SNAPC3: variants seen among roughly 807,000 people sequenced by gnomAD.
The protein encoded by SNAPC3 is small nuclear RNA activating complex polypeptide 3.
A neutral mutation model predicts 47.7 loss-of-function variants in SNAPC3; 56 were observed. The ratio of observed to expected loss-of-function variants is 1.18; its 90% CI spans 0.95 to 1.47. The LOEUF is 1.47. SNAPC3 is among the 40% of genes most tolerant of loss of function. The pLI, the probability that SNAPC3 is intolerant of heterozygous loss-of-function variation, is 0.00. For synonymous variants in SNAPC3, 235 were observed against 189.9 expected (o/e 1.24, Z -1.95); for missense variants, 665 against 511.3 (o/e 1.30, Z -2.90).
chr9:15,450,002 A>G (rs1411796348), intron 5 of SNAPC3, among the ~76,000 whole-genome samples: 1 of 152,132 alleles, frequency 6.6e-6, no homozygotes, highest in Non-Finnish European at 1.5e-5. Flanking sequence ...GTTTTGTAAA[A>G]CACATATATA....
intron 5 of SNAPC3, among the ~76,000 whole-genome samples, chr9:15,449,556 TA>T (rs1563851139): frequency 2.5e-3 from 96 of 37,726 alleles, no homozygotes; most frequent in East Asian, 5.2e-3. Flanking sequence ...TATATATATA[TA>T]TATATATTTT....
At chr9:15,458,233 A>G (rs543212592) in intron 8 of SNAPC3, among the ~76,000 whole-genome samples, 166 bp downstream of exon 8, 2 of 152,328 alleles carry the variant, frequency 1.3e-5, no homozygotes, top group East Asian at 1.9e-4. Context: ...TAAAACTAAC[A>G]TTCTTAAATA....
intron 1 of SNAPC3, 100 bp downstream of exon 1, chr9:15,423,293 T>C: frequency 8.2e-7 from 1 of 1,226,448 alleles, no homozygotes; most frequent in Non-Finnish European, 1.1e-6. Context: ...GGGCCTGTGG[T>C]TTAGACCTGG....
chr9:15,453,974 C>CA (rs1425246431), intron 7 of SNAPC3, among the ~76,000 whole-genome samples: 1 of 152,180 alleles, frequency 6.6e-6, no homozygotes, highest in Non-Finnish European at 1.5e-5. Flanking sequence ...TGCAGTGGCT[C>CA]ACGCCTATAA....
rs142563129 is a variant in SNAPC3, at chr9:15,455,845, C to T, written c.981-2115C>T. Among the ~76,000 whole-genome samples, 21 of 149,472 alleles carry T rather than the reference C, an allele frequency of 1.4e-4. No homozygotes were observed. The East Asian group carries it at 2.2e-3, about 16-fold the overall frequency. ...TCCCAAGTAGCTGGGATTACAGGCA[C>T]GTGCCACCTTGTCCGGCTAATTTTT... On this transcript the variant is annotated intron_variant, in intron 7 of 8. Transcript: ENST00000380821.
rs2034008876 is a variant in SNAPC3 at position 15,447,261 on chromosome 9, C to T, written c.732+17C>T. The T allele has an allele frequency of 6.2e-7, 1 of 1,611,502 alleles. No individual in the cohort carries two copies. Among genetic ancestry groups the T allele is most frequent in the Non-Finnish European group, 8.5e-7 (1 of 1,177,850 alleles). The stretch of plus-strand genomic sequence containing the variant: ...ATCAGCAAAGTAAGGTGATTTCCTC[C>T]CATAAAACAAAAGGAAATAACAAGC... On this transcript the variant is annotated intron_variant, in intron 5 of 8. Coordinates refer to ENST00000380821, the MANE Select transcript of SNAPC3 (RefSeq NM_001039697.2).
chr9:15,464,482 A>G (rs2035474534), downstream of SNAPC3: 1 of 201,128 alleles, frequency 5.0e-6, no homozygotes, highest in South Asian at 1.9e-4. Context: ...TAGTCCATAC[A>G]CGTCAATGTA....
At chr9:15,439,185 A>G (rs1031538089) in intron 3 of SNAPC3, among the ~76,000 whole-genome samples, 4 of 151,898 alleles carry the variant, frequency 2.6e-5, no homozygotes, top group African/African-American at 9.7e-5. Flanking sequence ...AAGTTTTTGT[A>G]TTTTTTGTAG....
In SNAPC3 at chr9:15,453,189, G is replaced by A. The variant is rs377748371; in HGVS notation, c.964G>A (p.Val322Ile). The A allele has an allele frequency of 4.8e-5, 77 of 1,611,498 alleles. No individual in the cohort carries two copies. The highest frequency in any genetic ancestry group is 6.2e-5 in the Non-Finnish European group (73 of 1,178,440). ...TCAGGGAGACTGTGAACATGTCATT[G>A]TCATTACTGACATAAGGTAGGTGAC... is the stretch of plus-strand genomic sequence containing the variant. ...CHQGDCEHVI[V>I]ITDIRLVHHD... is the part of the protein sequence containing the mutation. The change falls in exon 7 of 9, where the codon GTC becomes ATC. Residue 322 changes from valine (V) to isoleucine (I), a missense_variant. Coordinates refer to ENST00000380821, the MANE Select transcript of SNAPC3 (RefSeq NM_001039697.2).
intron 4 of SNAPC3, among the ~76,000 whole-genome samples, chr9:15,444,967 T>A (rs2033808499): frequency 1.3e-5 from 2 of 152,080 alleles, no homozygotes; most frequent in African/African-American, 4.8e-5. Context: ...GTGGTGCACA[T>A]CTGTAATCCC....
chr9:15,441,001 T>A lies in SNAPC3; in HGVS notation c.478-3601T>A, dbSNP rs146407397. Reference sequence around the variant, plus strand: ...TCAGTCCATCCGTCTATCTGCCCATTCTCTGGTTTCTTAACCTCCATGTTT... The same window carrying A: ...TCAGTCCATCCGTCTATCTGCCCATACTCTGGTTTCTTAACCTCCATGTTT... On this transcript the variant is annotated intron_variant, in intron 3 of 8. Coordinates refer to ENST00000380821, the MANE Select transcript of SNAPC3 (RefSeq NM_001039697.2). Among the ~76,000 whole-genome samples the A allele has an allele frequency of 3.1e-4, 47 of 152,080 alleles. 2 individuals carry two copies. The East Asian group carries it at 8.3e-3, about 27-fold the overall frequency.
intron 2 of SNAPC3, among the ~76,000 whole-genome samples, chr9:15,425,920 G>C (rs969262822): frequency 6.6e-6 from 1 of 152,168 alleles, no homozygotes; most frequent in Non-Finnish European, 1.5e-5. Flanking sequence ...TGAGTGCAAT[G>C]GTGCGATCCC....
chr9:15,458,069 T>G lies in SNAPC3; in HGVS notation c.1088+2T>G. ...TGTTTGTAAAATGTATACAGCCAGGTGAGTGATAATGTATTTTTTTTTTTC... is the reference window on the plus strand; with the variant it reads ...TGTTTGTAAAATGTATACAGCCAGGGGAGTGATAATGTATTTTTTTTTTTC... On this transcript the variant is annotated splice_donor_variant, in intron 8 of 8. Coordinates refer to ENST00000380821, the MANE Select transcript of SNAPC3 (RefSeq NM_001039697.2). LOFTEE classifies it high-confidence loss of function. 6.8e-7 allele frequency: 1 copy of G among 1,464,760 alleles called. No individual in the cohort carries two copies. The highest frequency in any genetic ancestry group is 2.7e-5 in the Admixed American group (1 of 37,600). The allele number at this position is 1,464,760 out of a possible 1,614,324, so 90.7% of individuals were successfully genotyped here.
In SNAPC3 at chr9:15,459,958, A is replaced by T. The variant is rs1191040932; in HGVS notation, c.*92A>T. 2 of 1,205,378 alleles carry T rather than the reference A, an allele frequency of 1.7e-6. No individual in the cohort carries two copies. The highest frequency in any genetic ancestry group is 2.3e-6 in the Non-Finnish European group (2 of 852,652). The allele number at this position is 1,205,378 out of a possible 1,614,324, so 74.7% of individuals were successfully genotyped here. On this transcript the variant is annotated 3_prime_UTR_variant, in exon 9 of 9. Transcript: ENST00000380821. ...CTAAGAAACGCCACTGAGGAACAGGATCCACTTTGAACAGTCCGCTAAAGC... is the reference window on the plus strand; with the variant it reads ...CTAAGAAACGCCACTGAGGAACAGGTTCCACTTTGAACAGTCCGCTAAAGC...
At chr9:15,436,070 C>G (rs1287158348) in intron 3 of SNAPC3, among the ~76,000 whole-genome samples, 1 of 152,146 alleles carries the variant, frequency 6.6e-6, no homozygotes, top group Non-Finnish European at 1.5e-5. Context: ...TCTCGAACTC[C>G]TGACCTCAGG....
chr9:15,440,548 G>A (rs1189810107), intron 3 of SNAPC3, among the ~76,000 whole-genome samples: 2 of 152,122 alleles, frequency 1.3e-5, no homozygotes, highest in African/African-American at 4.8e-5. Context: ...TTTAAAAGCT[G>A]AACACAGTGG....
chr9:15,438,733 G>T (rs576964244), intron 3 of SNAPC3, among the ~76,000 whole-genome samples: 1 of 151,962 alleles, frequency 6.6e-6, no homozygotes, highest in Non-Finnish European at 1.5e-5. Flanking sequence ...GAAGAGTTAC[G>T]TTTATTACTT....
intron 1 of SNAPC3, 55 bp from the exon 2 acceptor site, chr9:15,423,854 C>A: frequency 9.7e-7 from 1 of 1,028,092 alleles, no homozygotes; most frequent in Non-Finnish European, 1.4e-6. Flanking sequence ...CCCTAACTCG[C>A]TGTGAACCAG....
intron 3 of SNAPC3, among the ~76,000 whole-genome samples, chr9:15,439,738 T>C (rs1207525635): frequency 6.6e-6 from 1 of 152,188 alleles, no homozygotes; most frequent in Non-Finnish European, 1.5e-5. Flanking sequence ...TTCACCATGT[T>C]GGCCAGGCTA....
Sources: allele counts gnomAD v4.1 joint callset (sites outside exome capture counted in the v4.1 genomes callset), GRCh38; gene constraint gnomAD v4.1.1; transcripts MANE v1.5; gene names NCBI Gene and HGNC (gene_info 2026-07-23, HGNC 2026-07-21).